CACNA1B: variants seen among roughly 807,000 people sequenced by gnomAD.
CACNA1B encodes the protein voltage-dependent N-type calcium channel subunit alpha-1B.
A neutral mutation model predicts 247.2 loss-of-function variants in CACNA1B; 70 were observed. That is an observed-to-expected ratio of 0.28 (90% CI 0.23 to 0.35). The LOEUF is 0.35. Among genes scored for constraint, CACNA1B ranks in the 10% least tolerant of loss-of-function variants. The pLI, the probability that CACNA1B is intolerant of heterozygous loss-of-function variation, is 1.00. For synonymous variants in CACNA1B, 1,231 were observed against 1,294.4 expected (o/e 0.95, Z 1.05); for missense variants, 2,367 against 3,197.4 (o/e 0.74, Z 6.26).
At position 137,971,688 on chromosome 9, in the gene CACNA1B, C is replaced by CCT; in HGVS notation, c.1543+96_1543+97insCT. 4.0e-6 allele frequency: 4 copies of CCT among 1,010,668 alleles called. No individual in the cohort carries two copies. The highest frequency in any genetic ancestry group is 5.9e-6 in the Non-Finnish European group (4 of 674,252). The allele number at this position is 1,010,668 out of a possible 1,614,324, so 62.6% of individuals were successfully genotyped here. On this transcript the variant is annotated intron_variant, in intron 11 of 46. Coordinates refer to ENST00000371372, the MANE Select transcript of CACNA1B (RefSeq NM_000718.4). The surrounding 1 kb of genome is among the most constrained non-coding windows in gnomAD (Gnocchi z 4.4). Reference sequence around the variant, plus strand: ...TGCCCTGGGGCTACCCCAGGTGGGACGGGACCCACCCCCATGTTGCTCAAA... The same window carrying CCT: ...TGCCCTGGGGCTACCCCAGGTGGGACCTGGGACCCACCCCCATGTTGCTCAAA...
chr9:138,041,025 A>G (rs1391429776), intron 20 of CACNA1B, among the ~76,000 whole-genome samples: 1 of 152,228 alleles, frequency 6.6e-6, no homozygotes, highest in African/African-American at 2.4e-5. Context: ...CTCTTGGGAT[A>G]TCTTTAGATA....
At chr9:137,956,548 G>A (rs1257232821) in intron 8 of CACNA1B, among the ~76,000 whole-genome samples, 1 of 152,092 alleles carries the variant, frequency 6.6e-6, no homozygotes, top group African/African-American at 2.4e-5. Context: ...ATCCCAGTGG[G>A]GAGGCTGAGG....
At chr9:138,035,802 A>G (rs1383396194) in intron 20 of CACNA1B, among the ~76,000 whole-genome samples, 2 of 152,166 alleles carry the variant, frequency 1.3e-5, no homozygotes, top group African/African-American at 2.4e-5. Flanking sequence ...TTAGTTGGAT[A>G]CTCAGCTCAT....
At chr9:138,099,359 G>A (rs956030469) in intron 37 of CACNA1B, among the ~76,000 whole-genome samples, 1 of 152,194 alleles carries the variant, frequency 6.6e-6, no homozygotes, top group Non-Finnish European at 1.5e-5. Context: ...GTGTATATGT[G>A]TGCAAGTGAA....
At position 138,121,716 on chromosome 9, in the gene CACNA1B, AGCCCCTG is replaced by A; in HGVS notation, c.6747_6753del (p.Pro2250LeufsTer49). The A allele has an allele frequency of 6.2e-7, 1 of 1,613,208 alleles. No homozygotes were observed. Among genetic ancestry groups the A allele is most frequent in the Non-Finnish European group, 8.5e-7 (1 of 1,179,816 alleles). Reference sequence around the variant, plus strand: ...CTGCTGCAGAGAGACCCCCTCAGCCAGCCCCTGGCCCCTGGCTCTCGAATTGGCTCTG... The same window carrying A: ...CTGCTGCAGAGAGACCCCCTCAGCCAGCCCCTGGCTCTCGAATTGGCTCTG... On this transcript the variant is annotated frameshift_variant, in exon 47 of 47. Transcript: ENST00000371372. LOFTEE classifies it high-confidence loss of function. This position sits in a 1 kb window ranked among gnomAD's most constrained non-coding sequence, Gnocchi z 6.8.
chr9:138,083,918 A>G (rs1265869008), intron 36 of CACNA1B, among the ~76,000 whole-genome samples: 1 of 150,532 alleles, frequency 6.6e-6, no homozygotes, highest in African/African-American at 2.5e-5. Context: ...TAACCACTAC[A>G]TGGTGCCTTT....
chr9:138,028,127 A>G (rs540160423), intron 20 of CACNA1B, among the ~76,000 whole-genome samples: 63 of 147,144 alleles, frequency 4.3e-4, no homozygotes, highest in Admixed American at 8.3e-4. Flanking sequence ...GGTTCAAGCA[A>G]TTCTCCTTCC....
chr9:138,036,351 A>G (rs1233199370), intron 20 of CACNA1B, among the ~76,000 whole-genome samples: 3 of 152,120 alleles, frequency 2.0e-5, no homozygotes, highest in African/African-American at 7.2e-5. Context: ...GTGTTAGCCA[A>G]GATGGTCTCG....
chr9:138,117,872 T>G (rs1961926354), intron 42 of CACNA1B, 74 bp from the exon 43 acceptor site: 2 of 1,243,288 alleles, frequency 1.6e-6, no homozygotes. Flanking sequence ...CCTGGCAGGT[T>G]GAAGCACCAG....
intron 22 of CACNA1B, 32 bp downstream of exon 22, chr9:138,047,065 G>C: frequency 6.3e-7 from 1 of 1,581,042 alleles, no homozygotes; most frequent in Non-Finnish European, 8.6e-7. Context: ...GTCCCCGCCA[G>C]GCTGTGGCGG....
chr9:138,104,087 A>G (rs955077889), intron 38 of CACNA1B, among the ~76,000 whole-genome samples: 55 of 152,308 alleles, frequency 3.6e-4, no homozygotes, highest in African/African-American at 1.3e-3. Flanking sequence ...GCTGACTCCA[A>G]GGTTCTGGGC....
At chr9:137,949,395 C>T (rs1346376254) in intron 6 of CACNA1B, among the ~76,000 whole-genome samples, 10 of 145,036 alleles carry the variant, frequency 6.9e-5, no homozygotes, top group Non-Finnish European at 1.2e-4. Flanking sequence ...GTGGTGTGTG[C>T]GCTTGTGTGT....
At chr9:138,024,918 C>A in intron 19 of CACNA1B, 37 bp from the exon 20 acceptor site, 1 of 1,435,694 alleles carries the variant, frequency 7.0e-7, no homozygotes, top group Non-Finnish European at 9.6e-7. Flanking sequence ...AGGTGTGAGC[C>A]ACTGCGCCGA....
rs530707051 is a variant in CACNA1B, at chr9:138,019,583, G to T, written c.2268-3428G>T. Among the ~76,000 whole-genome samples, 316 of 151,692 alleles carry T rather than the reference G, an allele frequency of 2.1e-3. 1 individual carries two copies. The highest frequency in any genetic ancestry group is 7.4e-3 in the African/African-American group (307 of 41,292). On this transcript the variant is annotated intron_variant, in intron 18 of 46. Transcript: ENST00000371372. ...GTGGCCAGGTGCAGTTAGGCCACCT[G>T]CCCTGATGGAAGTGGCCAGGTGTCC...
intron 3 of CACNA1B, among the ~76,000 whole-genome samples, chr9:137,903,503 T>C (rs1957263506): frequency 6.6e-6 from 1 of 152,026 alleles, no homozygotes; most frequent in African/African-American, 2.4e-5. Flanking sequence ...AGAGGAGGGG[T>C]TTAATGTCTC....
At chr9:138,107,223 T>TTTATTTA (rs1325207677) in intron 39 of CACNA1B, among the ~76,000 whole-genome samples, 1 of 86,456 alleles carries the variant, frequency 1.2e-5, no homozygotes, top group Non-Finnish European at 2.3e-5. Flanking sequence ...TCTTATTTTA[T>TTTATTTA]TTATTTATTT....
intron 7 of CACNA1B, among the ~76,000 whole-genome samples, chr9:137,953,134 C>T (rs1957898797): frequency 6.6e-6 from 1 of 152,164 alleles, no homozygotes; most frequent in Non-Finnish European, 1.5e-5. Context: ...TCCTGTCCCA[C>T]CCTGGGGCTG....
At chr9:137,890,888 A>T (rs1324625593) in intron 3 of CACNA1B, 2 of 152,430 alleles carry the variant, frequency 1.3e-5, no homozygotes, top group African/African-American at 4.8e-5. Context: ...CCCAGGACCC[A>T]GCTCTGAGGG....
intron 3 of CACNA1B, among the ~76,000 whole-genome samples, chr9:137,887,163 G>C (rs1406372360): frequency 6.6e-6 from 1 of 151,936 alleles, no homozygotes; most frequent in African/African-American, 2.4e-5. Context: ...GCATGCAGAG[G>C]CCTCTGCAGA....
Sources: gnomAD v4.1 joint callset for allele counts (sites outside exome capture counted in the v4.1 genomes callset) on GRCh38, gnomAD v4.1.1 for gene constraint, Gnocchi (gnomAD v3.1) non-coding constraint, MANE v1.5 for transcripts, NCBI Gene and HGNC (gene_info 2026-07-23, HGNC 2026-07-21) for gene names.